EPB41L3: variants seen among roughly 807,000 people sequenced by gnomAD.
The protein encoded by EPB41L3 is erythrocyte membrane protein band 4.1 like 3.
In EPB41L3, 57 loss-of-function variants were observed where a neutral mutation model predicts 127.1. The observed-to-expected ratio is 0.45, with a 90% CI of 0.36 to 0.56. EPB41L3 has a LOEUF of 0.56. EPB41L3 is among the 20% of genes least tolerant of loss of function. EPB41L3 has a pLI of 0.00. For missense variants in EPB41L3, 1,273 were observed against 1,372.2 expected (o/e 0.93, Z 1.14); for synonymous variants, 572 against 549.5 (o/e 1.04, Z -0.57).
At position 5,538,520 on chromosome 18, in the gene EPB41L3, A is replaced by G. The variant is rs148838633; in HGVS notation, c.-12+5393T>C. ...ATGAAATTTGGGGCTTGAATCAAAT[A>G]CAAAGAAACTCGCTATTTGAGGATG... On this transcript the variant is annotated intron_variant, in intron 1 of 22. Transcript: ENST00000341928. 2.2e-4 allele frequency among the ~76,000 whole-genome samples: 34 copies of G among 152,386 alleles called. No individual in the cohort carries two copies. In the East Asian group the frequency reaches 6.5e-3, roughly 29 times the overall value.
At chr18:5,415,423 G>C (rs1033747909) in intron 13 of EPB41L3, among the ~76,000 whole-genome samples, 2 of 152,182 alleles carry the variant, frequency 1.3e-5, no homozygotes, top group African/African-American at 4.8e-5. Flanking sequence ...ACCTCTCCTT[G>C]ACTGTCATTT....
chr18:5,534,479 A>C (rs1245257469), intron 1 of EPB41L3, among the ~76,000 whole-genome samples: 2 of 152,218 alleles, frequency 1.3e-5, no homozygotes, highest in Admixed American at 6.5e-5. Flanking sequence ...ATTGGTCCCC[A>C]AAAATTCCTT....
chr18:5,414,924 G>A (rs1244156546), intron 13 of EPB41L3, among the ~76,000 whole-genome samples: 1 of 152,236 alleles, frequency 6.6e-6, no homozygotes. Flanking sequence ...CAAGGATGGA[G>A]GCTGATAGTT....
chr18:5,594,900 G>C (rs767382880), intron 3 of EPB41L3, among the ~76,000 whole-genome samples: 1 of 152,124 alleles, frequency 6.6e-6, no homozygotes, highest in African/African-American at 2.4e-5. Flanking sequence ...CGGAAAATAA[G>C]GAGAAAATTA....
At chr18:5,452,719 A>C (rs7227157) in intron 3 of EPB41L3, among the ~76,000 whole-genome samples, 61,751 of 151,956 alleles carry the variant, frequency 0.41, 12,594 homozygotes, top group East Asian at 0.47. Flanking sequence ...AAACGCAAAA[A>C]CACTAACTTC....
intron 3 of EPB41L3, among the ~76,000 whole-genome samples, chr18:5,452,048 A>G (rs2082344304): frequency 3.3e-5 from 5 of 152,086 alleles, no homozygotes; most frequent in Admixed American, 3.3e-4. Flanking sequence ...CACTTTTAGT[A>G]GAGACATGGT....
intron 1 of EPB41L3, among the ~76,000 whole-genome samples, chr18:5,493,456 C>T (rs976346270): frequency 2.0e-5 from 3 of 152,060 alleles, no homozygotes; most frequent in Non-Finnish European, 4.4e-5. Context: ...TCTTACTTAA[C>T]ATAAGTATTT....
Position 5,398,749 on chromosome 18 carries a change from G to A in EPB41L3, c.2350-606C>T, listed in dbSNP as rs546352373. 3.8e-5 allele frequency: 15 copies of A among 399,312 alleles called. 1 individual carries two copies. The highest frequency in any genetic ancestry group is 1.8e-4 in the East Asian group (5 of 28,080). 24.7% of individuals were successfully genotyped at this position (399,312 alleles called of 1,614,324 possible). A position where few individuals can be genotyped will look rare whatever the true frequency, so the allele number is the denominator to read the frequency against. The stretch of plus-strand genomic sequence containing the variant: ...CTCCATTCGGACAGGCTCTTCCTTC[G>A]GGGACCAAAGAGGCCCACTTTTAAG... On this transcript the variant is annotated intron_variant, in intron 16 of 22. Transcript: ENST00000341928.
At chr18:5,564,330 CAAT>C (rs1032029315) in intron 3 of EPB41L3, among the ~76,000 whole-genome samples, 5 of 152,146 alleles carry the variant, frequency 3.3e-5, no homozygotes, top group African/African-American at 1.2e-4. Context: ...TTAATTCCCT[CAAT>C]AACTCTATTA....
intron 3 of EPB41L3, among the ~76,000 whole-genome samples, chr18:5,585,719 G>T (rs952390277): frequency 1.3e-5 from 2 of 152,186 alleles, no homozygotes; most frequent in African/African-American, 4.8e-5. Flanking sequence ...GAGTTAGGGG[G>T]ATGGTCCACT....
intron 1 of EPB41L3, among the ~76,000 whole-genome samples, chr18:5,504,701 C>A (rs554562115): frequency 6.6e-6 from 1 of 152,286 alleles, no homozygotes; most frequent in East Asian, 1.9e-4. Flanking sequence ...AATCGACAAG[C>A]TATTTCTTTC....
At chr18:5,596,400 CTG>C (rs1381931493) in intron 3 of EPB41L3, among the ~76,000 whole-genome samples, 1 of 152,134 alleles carries the variant, frequency 6.6e-6, no homozygotes, top group African/African-American at 2.4e-5. Context: ...CAAAAGTAGA[CTG>C]AGGCCTTCAG....
chr18:5,595,623 AG>A (rs1330682010), intron 3 of EPB41L3, among the ~76,000 whole-genome samples: 1 of 152,178 alleles, frequency 6.6e-6, no homozygotes, highest in Admixed American at 6.5e-5. Flanking sequence ...AAGCTCAGAG[AG>A]TAGGATGCAT....
At chr18:5,422,012 T>C (rs1370454963) in intron 11 of EPB41L3, among the ~76,000 whole-genome samples, 2 of 152,160 alleles carry the variant, frequency 1.3e-5, no homozygotes, top group African/African-American at 4.8e-5. Flanking sequence ...TAATTATCAA[T>C]ATGATTATTG....
chr18:5,502,140 T>G (rs911988526), intron 1 of EPB41L3, among the ~76,000 whole-genome samples: 4 of 152,002 alleles, frequency 2.6e-5, no homozygotes, highest in African/African-American at 9.7e-5. Context: ...ACTACGGGAG[T>G]TGAATGTCCC....
In EPB41L3 at chr18:5,419,609, A is replaced by T. The variant is rs544460126; in HGVS notation, c.1506+102T>A. On this transcript the variant is annotated intron_variant, in intron 12 of 22. Coordinates refer to ENST00000341928, the MANE Select transcript of EPB41L3 (RefSeq NM_012307.5). ...TGAATGTGACCAGTGCTGACATATGATTTATCCTAAATCTGAGCACATTCC... is the reference window on the plus strand; with the variant it reads ...TGAATGTGACCAGTGCTGACATATGTTTTATCCTAAATCTGAGCACATTCC... The T allele has an allele frequency of 1.1e-5, 16 of 1,491,832 alleles. No individual in the cohort carries two copies. In the African/African-American group the frequency reaches 2.1e-4, roughly 19 times the overall value. The allele number at this position is 1,491,832 out of a possible 1,614,324, so 92.4% of individuals were successfully genotyped here.
intron 3 of EPB41L3, among the ~76,000 whole-genome samples, chr18:5,572,456 G>C (rs981205941): frequency 6.6e-5 from 10 of 152,160 alleles, no homozygotes; most frequent in African/African-American, 2.4e-4. Context: ...CTTTGTTTTA[G>C]AATAAAGTGG....
intron 13 of EPB41L3, among the ~76,000 whole-genome samples, chr18:5,414,982 G>A (rs1026761820): frequency 6.6e-6 from 1 of 152,198 alleles, no homozygotes; most frequent in African/African-American, 2.4e-5. Flanking sequence ...AGCCATAGAG[G>A]CCCAGCCTCA....
At chr18:5,544,084 C>T (rs959041090), upstream of EPB41L3, 3 of 985,398 alleles carry the variant, frequency 3.0e-6, no homozygotes, top group African/African-American at 1.7e-5. Context: ...CTCCGCGGAG[C>T]TGCGGCGGGG....
Sources: gnomAD v4.1 joint callset for allele counts (sites outside exome capture counted in the v4.1 genomes callset) on GRCh38, gnomAD v4.1.1 for gene constraint, MANE v1.5 for transcripts, NCBI Gene and HGNC (gene_info 2026-07-23, HGNC 2026-07-21) for gene names.